GIGYF1: variants seen among roughly 807,000 people sequenced by gnomAD.
GIGYF1 encodes GRB10 interacting GYF protein 1.
A neutral mutation model predicts 147.1 loss-of-function variants in GIGYF1; 84 were observed. The observed-to-expected ratio is 0.57, with a 90% CI of 0.48 to 0.68. GIGYF1 has a LOEUF of 0.68. Ranked by LOEUF, GIGYF1 falls within the 30% of genes least tolerant of loss-of-function variation. GIGYF1 has a pLI of 0.00. For synonymous variants in GIGYF1, 752 were observed against 589.5 expected, an observed-to-expected ratio of 1.28 and a Z score of -3.99; for missense variants, 1,485 against 1,393.7, an observed-to-expected ratio of 1.07 and a Z score of -1.04.
At position 100,681,300 on chromosome 7, in the gene GIGYF1, G is replaced by T. The variant is rs571179111; in HGVS notation, c.*419C>A. 6.7e-6 allele frequency: 1 copy of T among 148,364 alleles called. No individual in the cohort carries two copies. Among genetic ancestry groups the T allele is most frequent in the South Asian group, 2.2e-4 (1 of 4,576 alleles). The allele number at this position is 148,364 out of a possible 1,614,324, so 9.2% of individuals were successfully genotyped here. The stretch of plus-strand genomic sequence containing the variant: ...GTCCCCACTGCCCCAAAATAACAGT[G>T]TGTTTTTTCTTTCAGCCTCCTAACC... On this transcript the variant is annotated 3_prime_UTR_variant, in exon 27 of 27. Coordinates refer to ENST00000678049, the MANE Select transcript of GIGYF1 (RefSeq NM_001375765.1).
chr7:100,686,521 G>A, intron 10 of GIGYF1, 88 bp from the exon 11 acceptor site: 1 of 1,518,552 alleles, frequency 6.6e-7, no homozygotes, highest in Non-Finnish European at 8.8e-7. Context: ...GCACCTCCAG[G>A]GCTGCTGTCC....
Position 100,681,081 on chromosome 7 carries a change from GCTA to G in GIGYF1, c.*635_*637del, listed in dbSNP as rs1450926126. On this transcript the variant is annotated 3_prime_UTR_variant, in exon 27 of 27. Coordinates refer to ENST00000678049, the MANE Select transcript of GIGYF1 (RefSeq NM_001375765.1). ...TCCCCCAAAGCAGCGAAGCCAAGGG[GCTA>G]CTTTGGCCCCACCCCGGACACCTCA... 1 of 152,810 alleles carries G rather than the reference GCTA, an allele frequency of 6.5e-6. No homozygotes were observed. Among genetic ancestry groups the G allele is most frequent in the Non-Finnish European group, 1.5e-5 (1 of 68,168 alleles). 9.5% of individuals were successfully genotyped at this position (152,810 alleles called of 1,614,324 possible).
chr7:100,680,861 G>C lies in GIGYF1; in HGVS notation c.*858C>G, dbSNP rs556569968. On this transcript the variant is annotated 3_prime_UTR_variant, in exon 27 of 27. Coordinates refer to ENST00000678049, the MANE Select transcript of GIGYF1 (RefSeq NM_001375765.1). ...ATACATTCACGTGGCAAGGCAGAGA[G>C]CTGGGGCTTTCAGGTTCAAACCCAG... 100 of 152,868 alleles carry C rather than the reference G, an allele frequency of 6.5e-4. No individual in the cohort carries two copies. Among genetic ancestry groups the C allele is most frequent in the African/African-American group, 2.1e-3 (86 of 41,592 alleles). The allele number at this position is 152,868 out of a possible 1,614,324, so 9.5% of individuals were successfully genotyped here. A position where few individuals can be genotyped will look rare whatever the true frequency, so the allele number is the denominator to read the frequency against.
intron 1 of GIGYF1, among the ~76,000 whole-genome samples, chr7:100,690,491 AG>A (rs1328079804): frequency 6.6e-6 from 1 of 152,340 alleles, no homozygotes; most frequent in Admixed American, 6.5e-5. Context: ...TTTTTAAAAA[AG>A]AAAAAGTGGC....
chr7:100,685,209 ACT>A, intron 13 of GIGYF1, 63 bp from the exon 14 acceptor site: 3 of 1,515,810 alleles, frequency 2.0e-6, no homozygotes, highest in South Asian at 2.4e-5. Context: ...GCTTTCGCCT[ACT>A]CTCACTCCAG....
At position 100,683,852 on chromosome 7, in the gene GIGYF1, G is replaced by C. The variant is rs1584493906; in HGVS notation, c.1935C>G (p.Leu645=). ...ATGAGGCTGAGGTATGTACGTCCCA[G>C]AGGCGGCCCGAATCTGGCACCGACA... ...RSLSVPDSGR[L]WDVHTSASSQ... The change falls in exon 19 of 27, where the codon CTC becomes CTG. Residue 645 remains leucine (L), a synonymous_variant. Transcript: ENST00000678049. The C allele has an allele frequency of 6.4e-7, 1 of 1,565,710 alleles. No individual in the cohort carries two copies. Among genetic ancestry groups the C allele is most frequent in the Non-Finnish European group, 8.7e-7 (1 of 1,154,678 alleles).
intron 12 of GIGYF1, among the ~76,000 whole-genome samples, chr7:100,685,740 G>A (rs980135836): frequency 6.6e-6 from 1 of 152,164 alleles, no homozygotes; most frequent in Non-Finnish European, 1.5e-5. Context: ...AGGTTCTACA[G>A]CTTCTTCAAG....
At chr7:100,682,543 ACCTTC>A in intron 23 of GIGYF1, 42 bp downstream of exon 23, 2 of 1,595,260 alleles carry the variant, frequency 1.3e-6, no homozygotes, top group South Asian at 2.2e-5. Flanking sequence ...GGGGTCTGCC[ACCTTC>A]CCCCTCAGGG....
intron 22 of GIGYF1, 72 bp downstream of exon 22, chr7:100,682,940 G>T: frequency 7.5e-7 from 1 of 1,339,738 alleles, no homozygotes; most frequent in Non-Finnish European, 9.9e-7. Context: ...CACAAGTCTG[G>T]GTTCAGTATC....
Position 100,682,114 on chromosome 7 carries a change from C to A in GIGYF1, c.2883G>T (p.Arg961=). ...AKEFAKQFLE[R]RAKQKASQQR... ...GCTGGCTGGCTTTCTGCTTGGCCCT[C>A]CGCTCCAGGAATTGTTTGGCAAATT... is the stretch of plus-strand genomic sequence containing the variant. Residue 961 remains arginine, a synonymous_variant, in exon 25 of 27, where the codon CGG becomes CGT. Transcript: ENST00000678049. 1 of 1,613,928 alleles carries A rather than the reference C, an allele frequency of 6.2e-7. No homozygotes were observed. Among genetic ancestry groups the A allele is most frequent in the African/African-American group, 1.3e-5 (1 of 75,064 alleles).
Position 100,684,608 on chromosome 7 carries a change from T to C in GIGYF1, c.1471A>G (p.Thr491Ala). 1 of 1,614,160 alleles carries C rather than the reference T, an allele frequency of 6.2e-7. No individual in the cohort carries two copies. The highest frequency in any genetic ancestry group is 1.1e-5 in the South Asian group (1 of 91,082). ...AACCACTCTGCCATCTCCTGTGTCGTGAAGGGGCCTGGACAGGGAGCGAGG... is the reference window on the plus strand; with the variant it reads ...AACCACTCTGCCATCTCCTGTGTCGCGAAGGGGCCTGGACAGGGAGCGAGG... ...DPQGEIQGPF[T>A]TQEMAEWFQA... The change falls in exon 16 of 27, where the codon ACG (threonine) becomes GCG (alanine). Residue 491 changes from threonine (T) to alanine (A), a missense_variant. Physicochemically the swap from Thr to Ala is moderately conservative, Grantham distance 58. Transcript: ENST00000678049.
intron 18 of GIGYF1, 45 bp downstream of exon 18, chr7:100,683,975 T>G: frequency 2.4e-5 from 20 of 825,614 alleles, no homozygotes; most frequent in East Asian, 3.9e-5. Context: ...TCTGCCCCCA[T>G]CCCCCCCCCA....
In GIGYF1 at chr7:100,681,189, C is replaced by T. The variant is rs1345534560; in HGVS notation, c.*530G>A. 1 of 152,706 alleles carries T rather than the reference C, an allele frequency of 6.5e-6. No homozygotes were observed. Among genetic ancestry groups the T allele is most frequent in the Non-Finnish European group, 1.5e-5 (1 of 68,100 alleles). 9.5% of individuals were successfully genotyped at this position (152,706 alleles called of 1,614,324 possible). A position where few individuals can be genotyped will look rare whatever the true frequency, so the allele number is the denominator to read the frequency against. On this transcript the variant is annotated 3_prime_UTR_variant, in exon 27 of 27. Coordinates refer to ENST00000678049, the MANE Select transcript of GIGYF1 (RefSeq NM_001375765.1). ...CAGGCCTCCTGTGCAAACTGCTGGC[C>T]CCCAGCTTCCAGTTACCCCATGGCC...
rs953175966 is a variant in GIGYF1, at chr7:100,681,259, G to C, written c.*460C>G. The C allele has an allele frequency of 6.6e-6, 1 of 152,618 alleles. No individual in the cohort carries two copies. The highest frequency in any genetic ancestry group is 6.6e-5 in the Admixed American group (1 of 15,260). The allele number at this position is 152,618 out of a possible 1,614,324, so 9.5% of individuals were successfully genotyped here. A position where few individuals can be genotyped will look rare whatever the true frequency, so the allele number is the denominator to read the frequency against. On this transcript the variant is annotated 3_prime_UTR_variant, in exon 27 of 27. Transcript: ENST00000678049. Reference sequence around the variant, plus strand: ...ATGGCCTTGGGGGCCAGGCAGGACAGGTCCACGGGGCCTGTGTCCCCACTG... The same window carrying C: ...ATGGCCTTGGGGGCCAGGCAGGACACGTCCACGGGGCCTGTGTCCCCACTG...
chr7:100,681,971 G>A lies in GIGYF1; in HGVS notation c.2948C>T (p.Ser983Leu), dbSNP rs577811549. The change falls in exon 26 of 27, where the codon TCG becomes TTG. Residue 983 changes from serine to leucine, a missense_variant. By Grantham distance (145) the Ser-to-Leu change is moderately radical. Transcript: ENST00000678049. ...QQQEAWLSSASLQTAFQANHS... is the reference protein window; with the variant it reads ...QQQEAWLSSALLQTAFQANHS... Reference sequence around the variant, plus strand: ...GTTGGCCTGGAAGGCCGTCTGCAGCGAGGCGCTGCTCAGCCATGCCTCCTA... The same window carrying A: ...GTTGGCCTGGAAGGCCGTCTGCAGCAAGGCGCTGCTCAGCCATGCCTCCTA... The A allele has an allele frequency of 2.4e-5, 38 of 1,608,960 alleles. No homozygotes were observed. Among genetic ancestry groups the A allele is most frequent in the Non-Finnish European group, 2.8e-5 (33 of 1,179,920 alleles).
rs1805145162 is a variant in GIGYF1, at chr7:100,684,696, A to G, written c.1462+27T>C. ...GACACCCTGAACCAGAACGGCCTTGAGCAGCCCTCCCATCCCACACAGGTA... is the reference window on the plus strand; with the variant it reads ...GACACCCTGAACCAGAACGGCCTTGGGCAGCCCTCCCATCCCACACAGGTA... On this transcript the variant is annotated intron_variant, in intron 15 of 26. Transcript: ENST00000678049. 3 of 1,610,904 alleles carry G rather than the reference A, an allele frequency of 1.9e-6. No homozygotes were observed. In the African/African-American group the frequency reaches 4.0e-5, roughly 22 times the overall value.
rs777943267 is a variant in GIGYF1, at chr7:100,682,697, A to G, written c.2493T>C (p.Ser831=). The G allele has an allele frequency of 6.3e-7, 1 of 1,594,382 alleles. No homozygotes were observed. Among genetic ancestry groups the G allele is most frequent in the African/African-American group, 1.3e-5 (1 of 74,122 alleles). Residue 831 remains serine, a synonymous_variant, in exon 23 of 27, where the codon AGT becomes AGC. Transcript: ENST00000678049. ...AGPLWGGPDK[S]GGGSSGLGLW... ...GCCCCAGGCCGCTGCTGCCGCCCCC[A>G]CTCTTGTCTGGCCCGCCCCACAGTG... is the stretch of plus-strand genomic sequence containing the variant.
rs755348963 is a variant in GIGYF1 at position 100,684,227 on chromosome 7, C to T, written c.1730+10G>A. 6 of 1,609,688 alleles carry T rather than the reference C, an allele frequency of 3.7e-6. No individual in the cohort carries two copies. In the Admixed American group the frequency reaches 5.0e-5, roughly 13 times the overall value. ...GGGCCTTCTCCCAGCCCACCCCAGG[C>T]CCCCCATACCTGCTGACCAGCTGGA... On this transcript the variant is annotated intron_variant, in intron 17 of 26. Coordinates refer to ENST00000678049, the MANE Select transcript of GIGYF1 (RefSeq NM_001375765.1).
At position 100,685,979 on chromosome 7, in the gene GIGYF1, T is replaced by C; in HGVS notation, c.1049A>G (p.Glu350Gly). Residue 350 changes from glutamate (E) to glycine (G), a missense_variant, in exon 12 of 27, where the codon GAG becomes GGG. Physicochemically the swap from Glu to Gly is moderately conservative, Grantham distance 98. Transcript: ENST00000678049. ...PSEGLEEEGP[E>G]AGGKELTPLP... ...CTGGGCACCCCGCGGCTCACCTGCC[T>C]CAGGCCCTTCCTCCTCTAGCCCTTC... 1 of 1,611,922 alleles carries C rather than the reference T, an allele frequency of 6.2e-7. No homozygotes were observed. The highest frequency in any genetic ancestry group is 8.5e-7 in the Non-Finnish European group (1 of 1,179,848).
Sources: allele counts gnomAD v4.1 joint callset (sites outside exome capture counted in the v4.1 genomes callset), GRCh38; gene constraint gnomAD v4.1.1; transcripts MANE v1.5; gene names NCBI Gene and HGNC (gene_info 2026-07-23, HGNC 2026-07-21).